The following GLRA2 variants were observed in gnomAD, a reference collection of about 807,000 sequenced individuals.
GLRA2 encodes the protein glycine receptor subunit alpha-2.
A neutral mutation model predicts 31.6 loss-of-function variants in GLRA2; 11 were observed. The observed-to-expected ratio is 0.35, with a 90% confidence interval of 0.22 to 0.58. The LOEUF (loss-of-function observed/expected upper bound fraction) is 0.58. GLRA2 is among the 20% of genes least tolerant of loss of function. The pLI is 0.84. For synonymous variants in GLRA2, 132 were observed against 134.0 expected, an observed-to-expected ratio of 0.99 and a Z score of 0.10; for missense variants, 212 against 351.8, an observed-to-expected ratio of 0.60 and a Z score of 3.18.
At chrX:14,473,442 A>G in the GLRA2 span, among the ~76,000 whole-genome samples, 1 of 112,117 alleles carries the variant, frequency 8.9e-6, no homozygotes, top group Admixed American at 9.5e-5. Context: ...CTCCACAGAT[A>G]AAAGTACATA....
At chrX:14,472,049 C>T in the GLRA2 span, among the ~76,000 whole-genome samples, 1 of 111,916 alleles carries the variant, frequency 8.9e-6, no homozygotes. Context: ...CGAATACATC[C>T]CTCCTCAATC....
the GLRA2 span, among the ~76,000 whole-genome samples, chrX:14,490,122 C>G: frequency 9.0e-6 from 1 of 111,533 alleles, no homozygotes; most frequent in Non-Finnish European, 1.9e-5. Flanking sequence ...AGTATCCTCT[C>G]CTTTCTAACA....
chrX:14,520,053 A>C, the GLRA2 span, among the ~76,000 whole-genome samples: 1 of 112,063 alleles, frequency 8.9e-6, no homozygotes, highest in Non-Finnish European at 1.9e-5. Context: ...ATATTGTTCA[A>C]CTTCAAATAA....
chrX:14,560,048 G>T (rs889006633), intron 2 of GLRA2, among the ~76,000 whole-genome samples: 2 of 111,476 alleles, frequency 1.8e-5, no homozygotes, highest in Admixed American at 1.9e-4. Flanking sequence ...AGATATCAAG[G>T]CTCTGACCCT....
chrX:14,649,394 A>G (rs1269284514), intron 7 of GLRA2, among the ~76,000 whole-genome samples: 1 of 111,195 alleles, frequency 9.0e-6, no homozygotes, highest in Non-Finnish European at 1.9e-5. Flanking sequence ...TAGGATGAGT[A>G]TGAATACTGT....
At chrX:14,592,847 A>C (rs1412556142) in intron 4 of GLRA2, among the ~76,000 whole-genome samples, 3 of 112,496 alleles carry the variant, frequency 2.7e-5, no homozygotes, top group Admixed American at 9.4e-5. Context: ...ATATACTTTT[A>C]GACAATTACA....
the GLRA2 span, among the ~76,000 whole-genome samples, chrX:14,520,083 G>T: frequency 1.8e-5 from 2 of 112,038 alleles, no homozygotes; most frequent in Non-Finnish European, 3.8e-5. Context: ...TCCAAATTCA[G>T]CTTCTTTTCA....
At chrX:14,694,076 A>C (rs985277864) in intron 8 of GLRA2, among the ~76,000 whole-genome samples, 2 of 111,918 alleles carry the variant, frequency 1.8e-5, no homozygotes, top group African/African-American at 6.5e-5. Flanking sequence ...ACTATGAAAA[A>C]AAACACAAAG....
At chrX:14,481,227 T>C in the GLRA2 span, among the ~76,000 whole-genome samples, 2 of 111,610 alleles carry the variant, frequency 1.8e-5, no homozygotes, top group Non-Finnish European at 3.8e-5. Context: ...TTTTGTATCC[T>C]GAAATTTTAC....
At chrX:14,574,532 C>T in intron 3 of GLRA2, 132 bp downstream of exon 3, 1 of 1,201,991 alleles carries the variant, frequency 8.3e-7, no homozygotes, top group South Asian at 1.8e-5. Context: ...TTATCAACAG[C>T]TTTGGGTCAA....
intron 8 of GLRA2, among the ~76,000 whole-genome samples, chrX:14,694,872 T>C (rs1429216813): frequency 8.9e-6 from 1 of 111,921 alleles, no homozygotes; most frequent in Non-Finnish European, 1.9e-5. Context: ...GAATTGAATA[T>C]GACTCACAGA....
At position 14,581,369 on chromosome X, in the gene GLRA2, C is replaced by T. The variant is rs1015303177; in HGVS notation, c.457C>T (p.Arg153Trp). 2.5e-6 allele frequency: 3 copies of T among 1,198,868 alleles called. No homozygotes were observed. Among genetic ancestry groups the T allele is most frequent in the Non-Finnish European group, 3.4e-6 (3 of 883,839 alleles). Residue 153 changes from arginine to tryptophan, a missense_variant, in exon 4 of 9, where the codon CGG (arginine) becomes TGG (tryptophan). Physicochemically the swap from Arg to Trp is moderately radical, Grantham distance 101. Around this residue, in one of 5 missense-constraint regions of GLRA2, gnomAD observed 110 missense variants for 232.6 expected, o/e 0.47. Transcript: ENST00000218075. ...HDVTTDNKLL[R>W]ISKNGKVLYS... ...TGTCACCACTGACAACAAATTGCTACGGATTTCGAAAAATGGCAAAGTGCT... is the reference window on the plus strand; with the variant it reads ...TGTCACCACTGACAACAAATTGCTATGGATTTCGAAAAATGGCAAAGTGCT...
chrX:14,556,732 C>T (rs1443029851), intron 2 of GLRA2, among the ~76,000 whole-genome samples: 1 of 112,067 alleles, frequency 8.9e-6, no homozygotes, highest in Non-Finnish European at 1.9e-5. Context: ...TTAGAAAAGG[C>T]TTAGTAAAAA....
intron 2 of GLRA2, among the ~76,000 whole-genome samples, chrX:14,552,047 T>A (rs917772720): frequency 1.8e-5 from 2 of 112,374 alleles, no homozygotes; most frequent in African/African-American, 6.5e-5. Flanking sequence ...AATTACAAAG[T>A]ATTTATGAGG....
intron 7 of GLRA2, among the ~76,000 whole-genome samples, chrX:14,617,918 A>G (rs755915816): frequency 2.7e-5 from 3 of 112,212 alleles, no homozygotes; most frequent in Admixed American, 1.9e-4. Context: ...GGACATGAGG[A>G]AGCAGCACCT....
chrX:14,579,640 A>AT (rs777323057), intron 3 of GLRA2, among the ~76,000 whole-genome samples: 18 of 112,118 alleles, frequency 1.6e-4, no homozygotes, highest in Admixed American at 7.6e-4. Flanking sequence ...CAAGTCTGAC[A>AT]TTTTTTAAAC....
At chrX:14,604,473 GA>G in intron 5 of GLRA2, 76 bp downstream of exon 5, 1 of 624,675 alleles carries the variant, frequency 1.6e-6, no homozygotes. Context: ...TCATTAAAGA[GA>G]AAGGACCCTT....
intron 7 of GLRA2, among the ~76,000 whole-genome samples, chrX:14,685,254 C>T (rs1385607538): frequency 9.0e-6 from 1 of 111,431 alleles, no homozygotes; most frequent in East Asian, 2.8e-4. Flanking sequence ...CGATGTTCAT[C>T]AGGGATATTG....
the GLRA2 span, among the ~76,000 whole-genome samples, chrX:14,458,072 C>G: frequency 2.7e-5 from 3 of 109,464 alleles, no homozygotes; most frequent in African/African-American, 1.0e-4. Context: ...CACCCTGTGT[C>G]CATGTGTTCT....
Sources: gnomAD v4.1 joint callset for allele counts (sites outside exome capture counted in the v4.1 genomes callset) on GRCh38, gnomAD v4.1.1 for gene constraint, gnomAD v4.1.1 regional missense constraint, MANE v1.5 for transcripts, NCBI Gene and HGNC (gene_info 2026-07-23, HGNC 2026-07-21) for gene names.